The following ARHGEF12 variants were observed in gnomAD, a reference collection of about 807,000 sequenced individuals.
ARHGEF12 encodes the protein KMT2A/ARHGEF12 fusion protein.
ARHGEF12 carries 66 observed loss-of-function variants against 211.2 expected under a neutral mutation model. The observed-to-expected ratio is 0.31, with a 90% CI of 0.26 to 0.38. The LOEUF (loss-of-function observed/expected upper bound fraction) is 0.38. Among genes scored for constraint, ARHGEF12 ranks in the 10% least tolerant of loss-of-function variants. ARHGEF12 has a pLI of 1.00. For missense variants in ARHGEF12, 1,429 were observed against 1,869.5 expected, an observed-to-expected ratio of 0.76 and a Z score of 4.34; for synonymous variants, 592 against 638.4, an observed-to-expected ratio of 0.93 and a Z score of 1.09.
intron 1 of ARHGEF12, among the ~76,000 whole-genome samples, chr11:120,376,793 C>T (rs192830755): frequency 1.3e-5 from 2 of 152,126 alleles, no homozygotes; most frequent in African/African-American, 4.8e-5. Flanking sequence ...CTTCCCCAAC[C>T]CCCCACTACC....
At chr11:120,472,801 C>A (rs1201387477) in intron 30 of ARHGEF12, among the ~76,000 whole-genome samples, 1 of 151,964 alleles carries the variant, frequency 6.6e-6, no homozygotes, top group Non-Finnish European at 1.5e-5. Context: ...ACCACAGGCG[C>A]CCGCCACCAT....
intron 1 of ARHGEF12, among the ~76,000 whole-genome samples, chr11:120,342,067 A>G (rs772864750): frequency 1.3e-5 from 2 of 152,208 alleles, no homozygotes; most frequent in African/African-American, 2.4e-5. Flanking sequence ...TTATAAAACT[A>G]GAAAGGGCAG....
chr11:120,457,846 A>G, intron 24 of ARHGEF12, 90 bp downstream of exon 24: 1 of 1,347,400 alleles, frequency 7.4e-7, no homozygotes. Flanking sequence ...AGGAAAAGAA[A>G]CCCTGTATAC....
At chr11:120,347,551 A>G (rs1391268310) in intron 1 of ARHGEF12, among the ~76,000 whole-genome samples, 1 of 152,142 alleles carries the variant, frequency 6.6e-6, no homozygotes, top group Non-Finnish European at 1.5e-5. Context: ...AGGATCTATC[A>G]TATCTTTAAG....
intron 7 of ARHGEF12, among the ~76,000 whole-genome samples, chr11:120,426,266 A>G (rs1042006346): frequency 6.6e-6 from 1 of 152,214 alleles, no homozygotes; most frequent in African/African-American, 2.4e-5. Context: ...TTAGCTTTCT[A>G]GGTTATATTT....
chr11:120,346,363 G>C (rs1446436157), intron 1 of ARHGEF12, among the ~76,000 whole-genome samples: 1 of 152,224 alleles, frequency 6.6e-6, no homozygotes, highest in South Asian at 2.1e-4. Flanking sequence ...AGCATCCCCT[G>C]TCTGGGCTGT....
intron 1 of ARHGEF12, among the ~76,000 whole-genome samples, chr11:120,339,587 A>T (rs2135222969): frequency 6.6e-6 from 1 of 152,158 alleles, no homozygotes; most frequent in East Asian, 1.9e-4. Flanking sequence ...TTTGTTTCGT[A>T]GAGTGTGCAG....
rs1466518241 is a variant in ARHGEF12 at position 120,348,325 on chromosome 11, ACT to A, written c.32+11051_32+11052del. The stretch of plus-strand genomic sequence containing the variant: ...ATAAGTTTGACTTGCCATGATTCAT[ACT>A]GTTTTTCTGTTGTTGTATCACAATT... On this transcript the variant is annotated intron_variant, in intron 1 of 40. Transcript: ENST00000397843. Among the ~76,000 whole-genome samples, 5 of 152,326 alleles carry A rather than the reference ACT, an allele frequency of 3.3e-5. No homozygotes were observed. In the East Asian group the frequency reaches 9.6e-4, roughly 29 times the overall value.
chr11:120,369,949 C>T (rs1943545102), intron 1 of ARHGEF12, among the ~76,000 whole-genome samples: 1 of 152,130 alleles, frequency 6.6e-6, no homozygotes, highest in African/African-American at 2.4e-5. Flanking sequence ...CAGAAGTAAA[C>T]ATCATAGTAA....
At position 120,457,712 on chromosome 11, in the gene ARHGEF12, T is replaced by A; in HGVS notation, c.2190-9T>A. ...TTTTCATGTTACTCTTTACTTTCCA[T>A]TGTTTTAGGGTGACTGAACATGGGA... On this transcript the variant is annotated splice_polypyrimidine_tract_variant and intron_variant, in intron 23 of 40. Transcript: ENST00000397843. 6.3e-7 allele frequency: 1 copy of A among 1,587,500 alleles called. No individual in the cohort carries two copies. The highest frequency in any genetic ancestry group is 8.6e-7 in the Non-Finnish European group (1 of 1,166,956).
At chr11:120,470,785 C>T (rs1408712660) in intron 30 of ARHGEF12, among the ~76,000 whole-genome samples, 1 of 152,138 alleles carries the variant, frequency 6.6e-6, no homozygotes, top group Non-Finnish European at 1.5e-5. Context: ...CTTTTGACTC[C>T]GCAGTTCTGT....
rs764600993 is a variant in ARHGEF12, at chr11:120,442,224, G to T, written c.1302+22G>T. On this transcript the variant is annotated intron_variant, in intron 15 of 40. Transcript: ENST00000397843. ...AGCAGTAAGTTGCCAAGTTAATGTT[G>T]TAATCTTTGCCTTAGTACATGGAAT... 3.2e-6 allele frequency: 5 copies of T among 1,558,554 alleles called. No individual in the cohort carries two copies. In the South Asian group the frequency reaches 5.7e-5, roughly 18 times the overall value.
intron 1 of ARHGEF12, chr11:120,385,490 A>G: frequency 1.0e-6 from 1 of 985,386 alleles, no homozygotes; most frequent in East Asian, 1.1e-4. Flanking sequence ...GATCCAGGTA[A>G]TCTACTGCAG....
rs144560621 is a variant in ARHGEF12, at chr11:120,355,175, A to G, written c.32+17900A>G. On this transcript the variant is annotated intron_variant, in intron 1 of 40. Transcript: ENST00000397843. ...ATGAGGGGGAAAGCAACCGGTTCAC[A>G]GTTGACAAACATTTGCCCATGCTTG... Among the ~76,000 whole-genome samples the G allele has an allele frequency of 2.6e-3, 399 of 152,340 alleles. 6 individuals carry two copies. The highest frequency in any genetic ancestry group is 0.02 in the Admixed American group (306 of 15,308).
chr11:120,413,415 A>G (rs1350004201), intron 4 of ARHGEF12, among the ~76,000 whole-genome samples: 2 of 152,204 alleles, frequency 1.3e-5, no homozygotes, highest in African/African-American at 4.8e-5. Context: ...TATTGGAGAC[A>G]CTCATTAAGT....
intron 1 of ARHGEF12, among the ~76,000 whole-genome samples, chr11:120,401,784 G>A (rs1944554167): frequency 6.6e-6 from 1 of 152,148 alleles, no homozygotes; most frequent in Non-Finnish European, 1.5e-5. Flanking sequence ...AATTTTCTAT[G>A]ATACCACTTG....
In ARHGEF12 at chr11:120,385,147, TG is replaced by T. The variant is rs377227842; in HGVS notation, c.33-20970del. 8.0e-4 allele frequency: 232 copies of T among 290,732 alleles called. 4 individuals carry two copies. Among genetic ancestry groups the T allele is most frequent in the African/African-American group, 5.0e-3 (220 of 44,034 alleles). The allele number at this position is 290,732 out of a possible 1,614,324, so 18.0% of individuals were successfully genotyped here. A position where few individuals can be genotyped will look rare whatever the true frequency, so the allele number is the denominator to read the frequency against. On this transcript the variant is annotated intron_variant, in intron 1 of 40. Coordinates refer to ENST00000397843, the MANE Select transcript of ARHGEF12 (RefSeq NM_015313.3). ...GCTAGAGAATTATCAGCCAAATCCT[TG>T]CTTTCTTTATATTATATATATTTTC...
chr11:120,425,337 T>TG lies in ARHGEF12; in HGVS notation c.406+924dup, dbSNP rs200198032. On this transcript the variant is annotated intron_variant, in intron 7 of 40. Transcript: ENST00000397843. ...TTCCAAGAGAGATTTTATGTTTTCT[T>TG]GGTTTTTTTTTTTTTTTTGTTTGTT... 6.8e-3 allele frequency among the ~76,000 whole-genome samples: 1,028 copies of TG among 151,646 alleles called. 15 individuals carry two copies. Among genetic ancestry groups the TG allele is most frequent in the African/African-American group, 0.023 (971 of 41,326 alleles).
At position 120,486,824 on chromosome 11, in the gene ARHGEF12, A is replaced by G. The variant is rs2136040216; in HGVS notation, c.*1747A>G. ...AGATTTCTGTTTCTGTCCTAAATTG[A>G]TCTGTGTTTTTAGGTGGATCAACTT... On this transcript the variant is annotated 3_prime_UTR_variant, in exon 41 of 41. Coordinates refer to ENST00000397843, the MANE Select transcript of ARHGEF12 (RefSeq NM_015313.3). 1.8e-5 allele frequency: 4 copies of G among 216,718 alleles called. No homozygotes were observed. Among genetic ancestry groups the G allele is most frequent in the East Asian group, 1.4e-4 (2 of 14,590 alleles). 13.4% of individuals were successfully genotyped at this position (216,718 alleles called of 1,614,324 possible). A position where few individuals can be genotyped will look rare whatever the true frequency, so the allele number is the denominator to read the frequency against.
Sources: allele counts gnomAD v4.1 joint callset (sites outside exome capture counted in the v4.1 genomes callset), GRCh38; gene constraint gnomAD v4.1.1; transcripts MANE v1.5; gene names NCBI Gene and HGNC (gene_info 2026-07-23, HGNC 2026-07-21).